FAM178B: variants seen among roughly 807,000 people sequenced by gnomAD.
FAM178B encodes the protein family with sequence similarity 178 member B.
A neutral mutation model predicts 91.7 loss-of-function variants in FAM178B; 82 were observed. That is an observed-to-expected ratio of 0.89 (90% confidence interval 0.75 to 1.07). The LOEUF is 1.07. Ranked by LOEUF, FAM178B falls within the 50% of genes least tolerant of loss-of-function variation. The probability of loss-of-function intolerance (pLI) is 0.00; values close to 1 mark genes in which losing one functional copy is unlikely to be tolerated. For synonymous variants in FAM178B, 368 were observed against 359.4 expected (o/e 1.02, Z -0.27); for missense variants, 769 against 846.7 (o/e 0.91, Z 1.14).
intron 6 of FAM178B, among the ~76,000 whole-genome samples, chr2:96,954,060 G>A (rs2153373811): frequency 6.6e-6 from 1 of 152,352 alleles, no homozygotes; most frequent in Admixed American, 6.5e-5. Flanking sequence ...CTGGGTCCAA[G>A]GGGGTGCCTC....
chr2:96,977,661 A>G (rs1366011550), intron 1 of FAM178B, among the ~76,000 whole-genome samples: 1 of 152,158 alleles, frequency 6.6e-6, no homozygotes, highest in African/African-American at 2.4e-5. Context: ...TGATGCACCA[A>G]GAAGAATTCC....
At position 96,960,309 on chromosome 2, in the gene FAM178B, T is replaced by C; in HGVS notation, c.866A>G (p.His289Arg). ...TTACCTGAGGAACAGCCCTTCCAGG[T>C]GGCTGCGTGGCTTCAGGAGTGAGGA... ...LDSSLLKPRS[H>R]LEGLFLSSPP... The change falls in exon 6 of 17, where the codon CAC becomes CGC. Residue 289 changes from histidine (H) to arginine (R), a missense_variant. Transcript: ENST00000490605. The C allele has an allele frequency of 6.4e-7, 1 of 1,551,680 alleles. No homozygotes were observed. Among genetic ancestry groups the C allele is most frequent in the Non-Finnish European group, 8.7e-7 (1 of 1,146,968 alleles).
intron 1 of FAM178B, among the ~76,000 whole-genome samples, chr2:96,984,162 AT>A (rs2082396293): frequency 6.6e-6 from 1 of 151,612 alleles, no homozygotes; most frequent in Admixed American, 6.6e-5. Context: ...GGGTTTCACC[AT>A]GTTGGCCAGG....
intron 14 of FAM178B, among the ~76,000 whole-genome samples, chr2:96,885,562 A>T (rs1330635927): frequency 6.6e-6 from 1 of 152,214 alleles, no homozygotes; most frequent in Non-Finnish European, 1.5e-5. Flanking sequence ...AGATTCCTGC[A>T]GACCTGCCGT....
At chr2:96,936,937 G>A (rs1312284509) in intron 8 of FAM178B, among the ~76,000 whole-genome samples, 1 of 152,102 alleles carries the variant, frequency 6.6e-6, no homozygotes, top group Non-Finnish European at 1.5e-5. Context: ...CAAGGACCCA[G>A]CTGAGAGCCT....
intron 1 of FAM178B, chr2:96,978,018 A>G: frequency 4.9e-6 from 2 of 411,934 alleles, no homozygotes; most frequent in Admixed American, 2.9e-5. Context: ...GTCATTGCTA[A>G]CGGAAAAAAA....
intron 14 of FAM178B, among the ~76,000 whole-genome samples, chr2:96,879,890 G>C (rs1016587356): frequency 1.3e-5 from 2 of 152,270 alleles, no homozygotes; most frequent in African/African-American, 4.8e-5. Context: ...ATGCACTGCT[G>C]GCTCCCTGAG....
intron 12 of FAM178B, among the ~76,000 whole-genome samples, chr2:96,916,158 C>T (rs745449074): frequency 7.9e-5 from 12 of 152,154 alleles, no homozygotes; most frequent in Non-Finnish European, 1.8e-4. Context: ...AACGATCTAG[C>T]TTTTTGAAGG....
intron 7 of FAM178B, among the ~76,000 whole-genome samples, chr2:96,950,503 G>A (rs1257582142): frequency 7.2e-5 from 11 of 152,152 alleles, no homozygotes; most frequent in East Asian, 1.9e-4. Context: ...GGAATAATCC[G>A]CCCCACATGA....
At chr2:96,904,299 CCAA>C (rs1464711867) in intron 12 of FAM178B, among the ~76,000 whole-genome samples, 4 of 152,142 alleles carry the variant, frequency 2.6e-5, no homozygotes, top group African/African-American at 9.7e-5. Context: ...ACAAGTACCT[CCAA>C]CAACATGAAC....
At chr2:96,943,772 C>A (rs2081773426) in intron 8 of FAM178B, among the ~76,000 whole-genome samples, 1 of 152,180 alleles carries the variant, frequency 6.6e-6, no homozygotes, top group Admixed American at 6.5e-5. Flanking sequence ...CCCTACTCTT[C>A]CACCTCGTCT....
intron 5 of FAM178B, among the ~76,000 whole-genome samples, chr2:96,966,273 T>G (rs896072469): frequency 6.6e-6 from 1 of 151,938 alleles, no homozygotes; most frequent in East Asian, 1.9e-4. Flanking sequence ...TGAGCCCTCA[T>G]CACAGCCCAC....
rs751895880 is a variant in FAM178B at position 96,972,187 on chromosome 2, G to A, written c.278C>T (p.Ser93Leu). The change falls in exon 3 of 17, where the codon TCG becomes TTG. Residue 93 changes from serine to leucine, a missense_variant. Coordinates refer to ENST00000490605, the MANE Select transcript of FAM178B (RefSeq NM_001122646.3). Reference sequence around the variant, plus strand: ...TGCCTGTATCTTGGGCTTCTTTGGCGATGTGGGAGCTGGAGCCGAGGCAGG... The same window carrying A: ...TGCCTGTATCTTGGGCTTCTTTGGCAATGTGGGAGCTGGAGCCGAGGCAGG... ...CSPASAPAPT[S>L]PKKPKIQAPG... The A allele has an allele frequency of 5.8e-6, 9 of 1,546,752 alleles. No individual in the cohort carries two copies. The highest frequency in any genetic ancestry group is 2.7e-5 in the African/African-American group (2 of 72,928).
chr2:96,886,827 T>C (rs1394119865), intron 14 of FAM178B, among the ~76,000 whole-genome samples: 1 of 152,074 alleles, frequency 6.6e-6, no homozygotes, highest in African/African-American at 2.4e-5. Flanking sequence ...ACTGCAGCCT[T>C]GAACTTCTGG....
chr2:96,918,763 G>T (rs1486051939), intron 12 of FAM178B, among the ~76,000 whole-genome samples: 1 of 152,144 alleles, frequency 6.6e-6, no homozygotes, highest in African/African-American at 2.4e-5. Context: ...AGAAAGAAAT[G>T]AAATCAGTAG....
intron 3 of FAM178B, 70 bp downstream of exon 3, chr2:96,971,831 G>A (rs2082222409): frequency 1.0e-5 from 14 of 1,386,074 alleles, no homozygotes; most frequent in Non-Finnish European, 1.3e-5. Context: ...GGGTGGCCTG[G>A]GGTGACTGTA....
At chr2:96,937,028 A>T (rs1163656763) in intron 8 of FAM178B, among the ~76,000 whole-genome samples, 1 of 135,324 alleles carries the variant, frequency 7.4e-6, no homozygotes, top group Non-Finnish European at 1.5e-5. Context: ...CCAGGACTAC[A>T]GGCACACACC....
chr2:96,905,846 A>ATATGTGTGTGTGTG (rs1559064241), intron 12 of FAM178B, among the ~76,000 whole-genome samples: 11 of 26,912 alleles, frequency 4.1e-4, no homozygotes, highest in African/African-American at 1.1e-3. Context: ...ATATATATAT[A>ATATGTGTGTGTGTG]TATATATATA....
At position 96,984,063 on chromosome 2, in the gene FAM178B, G is replaced by C. The variant is rs537735061; in HGVS notation, c.73+2178C>G. On this transcript the variant is annotated intron_variant, in intron 1 of 16. Transcript: ENST00000490605. ...CGGTTCACTGCAACCTCCGCCTCCC[G>C]GGTTCAAGCGATTCTCCTGCCTCAG... is the stretch of plus-strand genomic sequence containing the variant. 4.6e-5 allele frequency among the ~76,000 whole-genome samples: 7 copies of C among 152,096 alleles called. No homozygotes were observed. The South Asian group carries it at 1.5e-3, about 32-fold the overall frequency.
Sources: gnomAD v4.1 joint callset for allele counts (sites outside exome capture counted in the v4.1 genomes callset) on GRCh38, gnomAD v4.1.1 for gene constraint, MANE v1.5 for transcripts, NCBI Gene and HGNC (gene_info 2026-07-23, HGNC 2026-07-21) for gene names.